Variants in USF3 observed in about 807,000 individuals in gnomAD.
The protein encoded by USF3 is basic helix-loop-helix domain-containing protein USF3.
USF3 carries 29 observed loss-of-function variants against 157.5 expected under a neutral mutation model. The ratio of observed to expected loss-of-function variants is 0.18; its 90% CI spans 0.14 to 0.25. The LOEUF is 0.25. Ranked by LOEUF, USF3 falls within the 10% of genes least tolerant of loss-of-function variation. The probability of loss-of-function intolerance (pLI) is 1.00; values close to 1 mark genes in which losing one functional copy is unlikely to be tolerated. For synonymous variants in USF3, 893 were observed against 941.4 expected (o/e 0.95, Z 0.94); for missense variants, 2,381 against 2,667.6 (o/e 0.89, Z 2.37).
Position 113,649,782 on chromosome 3 carries a change from C to T in USF3, c.*5162G>A, listed in dbSNP as rs1869632. ...AGCTCTGTGTCCAACAAGGTCCTCA[C>T]GCTTCTTATCAGCATGGACTGACTC... is the stretch of plus-strand genomic sequence containing the variant. On this transcript the variant is annotated 3_prime_UTR_variant, in exon 7 of 7. Coordinates refer to ENST00000316407, the MANE Select transcript of USF3 (RefSeq NM_001009899.4). 2.1e-4 allele frequency: 146 copies of T among 701,810 alleles called. No homozygotes were observed. The highest frequency in any genetic ancestry group is 1.7e-3 in the African/African-American group (100 of 57,306). 43.5% of individuals were successfully genotyped at this position (701,810 alleles called of 1,614,324 possible). A position where few individuals can be genotyped will look rare whatever the true frequency, so the allele number is the denominator to read the frequency against.
At chr3:113,676,374 C>T (rs1185536029) in intron 2 of USF3, among the ~76,000 whole-genome samples, 1 of 152,100 alleles carries the variant, frequency 6.6e-6, no homozygotes, top group Non-Finnish European at 1.5e-5. Flanking sequence ...GCTGGGGAGG[C>T]CTCAGGAAAC....
At chr3:113,676,855 A>C (rs1196301860) in intron 2 of USF3, among the ~76,000 whole-genome samples, 1 of 152,248 alleles carries the variant, frequency 6.6e-6, no homozygotes, top group African/African-American at 2.4e-5. Flanking sequence ...CAGATGCTTC[A>C]TCTACACCGT....
chr3:113,692,652 TCTTCAGTAC>T (rs1466501364), intron 1 of USF3, among the ~76,000 whole-genome samples: 8 of 152,216 alleles, frequency 5.3e-5, no homozygotes, highest in Non-Finnish European at 1.0e-4. Flanking sequence ...TTCTGTATTC[TCTTCAGTAC>T]CTAACAGTGT....
chr3:113,657,736 G>A lies in USF3; in HGVS notation c.3946C>T (p.Leu1316Phe), dbSNP rs773305122. ...TIPNSQIQEP[L>F]LKPSHESRKD... The stretch of plus-strand genomic sequence containing the variant: ...CGGCTTTCATGGCTTGGCTTTAAGA[G>A]TGGCTCTTGAATCTGTGAATTTGGT... Residue 1316 changes from leucine to phenylalanine, a missense_variant, in exon 7 of 7, where the codon CTC becomes TTC. This residue lies in a region of USF3 where 1,435 missense variants were observed against 1,550.9 expected (regional missense o/e 0.93). Coordinates refer to ENST00000316407, the MANE Select transcript of USF3 (RefSeq NM_001009899.4). The A allele has an allele frequency of 1.9e-6, 3 of 1,614,170 alleles. No individual in the cohort carries two copies. The highest frequency in any genetic ancestry group is 2.5e-6 in the Non-Finnish European group (3 of 1,180,028).
Position 113,655,706 on chromosome 3 carries a change from C to T in USF3, c.5976G>A (p.Gln1992=), listed in dbSNP as rs770670137. The change falls in exon 7 of 7, where the codon CAG becomes CAA. Residue 1992 remains glutamine, a synonymous_variant. Coordinates refer to ENST00000316407, the MANE Select transcript of USF3 (RefSeq NM_001009899.4). ...LQDSSGSKIR[Q]PERNRSGNQR... Reference sequence around the variant, plus strand: ...GGTTTCCAGAACGATTCCTTTCAGGCTGACGAATTTTGGAACCACTGCTGT... The same window carrying T: ...GGTTTCCAGAACGATTCCTTTCAGGTTGACGAATTTTGGAACCACTGCTGT... 1 of 1,613,830 alleles carries T rather than the reference C, an allele frequency of 6.2e-7. No homozygotes were observed. Among genetic ancestry groups the T allele is most frequent in the South Asian group, 1.1e-5 (1 of 91,008 alleles).
chr3:113,666,733 TTTG>T (rs1013741086), intron 5 of USF3, among the ~76,000 whole-genome samples: 11 of 151,734 alleles, frequency 7.2e-5, no homozygotes, highest in Non-Finnish European at 8.8e-5. Context: ...GCCGGGCTAA[TTTG>T]TTGTTGTTGT....
chr3:113,673,373 C>T lies in USF3; in HGVS notation c.51G>A (p.Lys17=). 6.3e-7 allele frequency: 1 copy of T among 1,595,496 alleles called. No individual in the cohort carries two copies. Among genetic ancestry groups the T allele is most frequent in the Non-Finnish European group, 8.6e-7 (1 of 1,165,760 alleles). Reference sequence around the variant, plus strand: ...CTGCATTGTGTGTCTCCCGGTTTTTCTTTCTGAAACAAAAAGTACAGATAA... The same window carrying T: ...CTGCATTGTGTGTCTCCCGGTTTTTTTTTCTGAAACAAAAAGTACAGATAA... The part of the protein sequence containing the change: ...NETPTKKQHR[K]KNRETHNAVE... Residue 17 remains lysine (K), a synonymous_variant, in exon 4 of 7, where the codon AAG becomes AAA. Transcript: ENST00000316407.
At chr3:113,686,670 C>G (rs997347133) in intron 1 of USF3, among the ~76,000 whole-genome samples, 3 of 152,218 alleles carry the variant, frequency 2.0e-5, no homozygotes, top group Non-Finnish European at 4.4e-5. Context: ...CCATCTTGCT[C>G]TGCCTCATCC....
chr3:113,662,748 C>T (rs1192164320), intron 6 of USF3, among the ~76,000 whole-genome samples: 1 of 152,124 alleles, frequency 6.6e-6, no homozygotes, highest in African/African-American at 2.4e-5. Context: ...TAACATTTAT[C>T]AAGCAATTAC....
Position 113,659,866 on chromosome 3 carries a change from T to C in USF3, c.1816A>G (p.Ile606Val). Residue 606 changes from isoleucine to valine, a missense_variant, in exon 7 of 7, where the codon ATC becomes GTC. By Grantham distance (29) the Ile-to-Val change is conservative (BLOSUM62 3). Around this residue, in one of 6 missense-constraint regions of USF3, gnomAD observed 1,435 missense variants for 1,550.9 expected, o/e 0.93. Transcript: ENST00000316407. The stretch of plus-strand genomic sequence containing the variant: ...CCTATTACAGTATTGGCTCCATTGA[T>C]GGGGAGTCGAACAGAACCAGGAGGT... ...APPPGSVRLP[I>V]NGANTVIGSN... is the part of the protein sequence containing the mutation. The C allele has an allele frequency of 6.2e-7, 1 of 1,614,208 alleles. No homozygotes were observed. Among genetic ancestry groups the C allele is most frequent in the Non-Finnish European group, 8.5e-7 (1 of 1,180,034 alleles).
At position 113,661,060 on chromosome 3, in the gene USF3, G is replaced by A. The variant is rs201244170; in HGVS notation, c.622C>T (p.Pro208Ser). 9.9e-5 allele frequency: 159 copies of A among 1,614,064 alleles called. 1 individual carries two copies. Among genetic ancestry groups the A allele is most frequent in the South Asian group, 2.5e-4 (23 of 91,086 alleles). Residue 208 changes from proline to serine, a missense_variant, in exon 7 of 7, where the codon CCA becomes TCA. Pro to Ser is a moderately conservative substitution (Grantham distance 74). Coordinates refer to ENST00000316407, the MANE Select transcript of USF3 (RefSeq NM_001009899.4). ...ISGVYPSENK[P>S]WHQTTVPALA... ...GCAGGAACTGTGGTCTGATGCCATG[G>A]CTTGTTTTCAGAAGGGTAAACTCCA...
In USF3 at chr3:113,663,142, C is replaced by T. The variant is rs116903182; in HGVS notation, c.256+1171G>A. Among the ~76,000 whole-genome samples, 702 of 151,708 alleles carry T rather than the reference C, an allele frequency of 4.6e-3. 14 individuals are homozygous for T. The highest frequency in any genetic ancestry group is 0.031 in the Admixed American group (470 of 15,220). On this transcript the variant is annotated intron_variant, in intron 6 of 6. Coordinates refer to ENST00000316407, the MANE Select transcript of USF3 (RefSeq NM_001009899.4). Reference sequence around the variant, plus strand: ...CACAGAAAAAGAACCAGAGAAATAACGATCATGACAGAAATAACAAACACA... The same window carrying T: ...CACAGAAAAAGAACCAGAGAAATAATGATCATGACAGAAATAACAAACACA...
chr3:113,679,479 T>A lies in USF3; in HGVS notation c.-134-2082A>T, dbSNP rs190264513. On this transcript the variant is annotated intron_variant, in intron 1 of 6. Coordinates refer to ENST00000316407, the MANE Select transcript of USF3 (RefSeq NM_001009899.4). ...CCCAGCCTGGAGTACAGTGGCACAATCTCAGTTCACTGCAACCTCTGCCTC... is the reference window on the plus strand; with the variant it reads ...CCCAGCCTGGAGTACAGTGGCACAAACTCAGTTCACTGCAACCTCTGCCTC... Among the ~76,000 whole-genome samples the A allele has an allele frequency of 4.8e-5, 7 of 145,520 alleles. No individual in the cohort carries two copies. In the East Asian group the frequency reaches 1.5e-3, roughly 31 times the overall value.
rs1305413239 is a variant in USF3 at position 113,661,000 on chromosome 3, G to C, written c.682C>G (p.Pro228Ala). Reference protein sequence around the residue: ...ATNQPVPLCLPAAISAQSILE... With the variant: ...ATNQPVPLCLAAAISAQSILE... ...ATACTCTGAGCAGAAATGGCAGCAG[G>C]AAGACAAAGAGGAACAGGCTGGTTG... Residue 228 changes from proline to alanine, a missense_variant, in exon 7 of 7, where the codon CCT becomes GCT. By Grantham distance (27) the Pro-to-Ala change is conservative. Transcript: ENST00000316407. 3 of 1,614,146 alleles carry C rather than the reference G, an allele frequency of 1.9e-6. No homozygotes were observed. Among genetic ancestry groups the C allele is most frequent in the South Asian group, 1.1e-5 (1 of 91,090 alleles).
chr3:113,665,954 G>A lies in USF3; in HGVS notation c.160-1545C>T, dbSNP rs193023383. On this transcript the variant is annotated intron_variant, in intron 5 of 6. Coordinates refer to ENST00000316407, the MANE Select transcript of USF3 (RefSeq NM_001009899.4). ...AATCCCAGCACTTTGGGAAGCCGAG[G>A]TGGGCAGATCACCTGAGGTCAGGAG... 1.4e-4 allele frequency among the ~76,000 whole-genome samples: 22 copies of A among 152,254 alleles called. No homozygotes were observed. The East Asian group carries it at 4.1e-3, about 28-fold the overall frequency.
chr3:113,657,240 T>C lies in USF3; in HGVS notation c.4442A>G (p.Gln1481Arg). Residue 1481 changes from glutamine (Q) to arginine (R), a missense_variant, in exon 7 of 7, where the codon CAG (glutamine) becomes CGG (arginine). Gln to Arg is a conservative substitution (Grantham distance 43). Transcript: ENST00000316407. Reference protein sequence around the residue: ...QQQQQQQQAGQLRERHHLYQM... With the variant: ...QQQQQQQQAGRLRERHHLYQM... ...ATATAAGTGATGCCTCTCTCTTAAC[T>C]GCCCTGCTTGTTGTTGTTGCTGTTG... 1 of 1,607,150 alleles carries C rather than the reference T, an allele frequency of 6.2e-7. No individual in the cohort carries two copies. The highest frequency in any genetic ancestry group is 8.5e-7 in the Non-Finnish European group (1 of 1,178,360).
intron 4 of USF3, 54 bp from the exon 5 acceptor site, chr3:113,670,257 C>T: frequency 1.0e-6 from 1 of 979,872 alleles, no homozygotes; most frequent in Non-Finnish European, 1.7e-6. Context: ...TCAAAGTGCC[C>T]TCATTCAACC....
rs989026942 is a variant in USF3, at chr3:113,650,279, A to C, written c.*4665T>G. On this transcript the variant is annotated 3_prime_UTR_variant, in exon 7 of 7. Coordinates refer to ENST00000316407, the MANE Select transcript of USF3 (RefSeq NM_001009899.4). ...CTATATGGCACACTGAAATATTTTA[A>C]ATCAATTCTGAACTAATTTTGTTTC... The C allele has an allele frequency of 1.9e-5, 3 of 161,720 alleles. No homozygotes were observed. The highest frequency in any genetic ancestry group is 7.2e-5 in the African/African-American group (3 of 41,696). 10.0% of individuals were successfully genotyped at this position (161,720 alleles called of 1,614,324 possible).
chr3:113,661,090 T>C lies in USF3; in HGVS notation c.592A>G (p.Ile198Val). The C allele has an allele frequency of 1.9e-6, 3 of 1,614,134 alleles. No individual in the cohort carries two copies. In the South Asian group the frequency reaches 3.3e-5, roughly 18 times the overall value. Residue 198 changes from isoleucine to valine, a missense_variant, in exon 7 of 7, where the codon ATT becomes GTT. Ile to Val is a conservative substitution (Grantham distance 29). Coordinates refer to ENST00000316407, the MANE Select transcript of USF3 (RefSeq NM_001009899.4). ...TTTTCAGAAGGGTAAACTCCAGAAATAGATACAGGAGTCACAAGATTGCAA... is the reference window on the plus strand; with the variant it reads ...TTTTCAGAAGGGTAAACTCCAGAAACAGATACAGGAGTCACAAGATTGCAA... ...RTCNLVTPVSISGVYPSENKP... is the reference protein window; with the variant it reads ...RTCNLVTPVSVSGVYPSENKP...
Sources: gnomAD v4.1 joint callset for allele counts (sites outside exome capture counted in the v4.1 genomes callset) on GRCh38, gnomAD v4.1.1 for gene constraint, gnomAD v4.1.1 regional missense constraint, MANE v1.5 for transcripts, NCBI Gene and HGNC (gene_info 2026-07-23, HGNC 2026-07-21) for gene names.